The following USP6 variants were observed in gnomAD, a reference collection of about 807,000 sequenced individuals.
USP6 encodes the protein ubiquitin carboxyl-terminal hydrolase 6.
In USP6, 128 loss-of-function variants were observed where a neutral mutation model predicts 175.7. That is an observed-to-expected ratio of 0.73 (90% confidence interval 0.63 to 0.84). The LOEUF (loss-of-function observed/expected upper bound fraction) is 0.84, where lower values mean the gene tolerates loss of function less well. Among genes scored for constraint, USP6 ranks in the 40% least tolerant of loss-of-function variants. The pLI, the probability that USP6 is intolerant of heterozygous loss-of-function variation, is 0.00. For missense variants in USP6, 1,498 were observed against 1,760.3 expected (o/e 0.85, Z 2.67); for synonymous variants, 562 against 630.6 (o/e 0.89, Z 1.63).
chr17:5,172,748 G>A, intron 37 of USP6, 57 bp from the exon 38 acceptor site: 1 of 1,597,236 alleles, frequency 6.3e-7, no homozygotes, highest in Non-Finnish European at 8.5e-7. Flanking sequence ...TTCCTGGCAA[G>A]GATTTAGAGT....
intron 29 of USP6, 112 bp from the exon 30 acceptor site, chr17:5,148,444 C>T (rs1393192542): frequency 1.6e-6 from 2 of 1,225,432 alleles, no homozygotes; most frequent in Non-Finnish European, 2.3e-6. Flanking sequence ...ATGATTTCTC[C>T]CTGCCCTGTG....
In USP6 at chr17:5,144,791, C is replaced by T; in HGVS notation, c.1920C>T (p.Asn640=). The T allele has an allele frequency of 1.2e-6, 2 of 1,613,674 alleles. No homozygotes were observed. The highest frequency in any genetic ancestry group is 1.7e-6 in the Non-Finnish European group (2 of 1,179,706). ...TGGATGGTCTTCATGAAGATCTCAACCGAGTCCATGAAAAGCCATATGTGG... is the reference window on the plus strand; with the variant it reads ...TGGATGGTCTTCATGAAGATCTCAATCGAGTCCATGAAAAGCCATATGTGG... The part of the protein sequence containing the change: ...FLLDGLHEDL[N]RVHEKPYVEL... Residue 640 remains asparagine (N), a synonymous_variant, in exon 26 of 38, where the codon AAC becomes AAT. Transcript: ENST00000574788.
At chr17:5,142,226 G>T (rs2073468870) in intron 24 of USP6, 85 bp downstream of exon 24, 18 of 1,549,450 alleles carry the variant, frequency 1.2e-5, no homozygotes, top group Non-Finnish European at 5.2e-6. Flanking sequence ...TTTTCACCCT[G>T]CGGGAGAAAG....
Position 5,169,070 on chromosome 17 carries a change from C to T in USP6, c.3517+15C>T. 4.5e-6 allele frequency: 7 copies of T among 1,561,398 alleles called. No individual in the cohort carries two copies. The highest frequency in any genetic ancestry group is 2.3e-5 in the East Asian group (1 of 44,268). Reference sequence around the variant, plus strand: ...CAGCCCAAAAGGTGAGGCCTGGGGGCCTTATGCAGTTGCTTTCTTGGGACT... The same window carrying T: ...CAGCCCAAAAGGTGAGGCCTGGGGGTCTTATGCAGTTGCTTTCTTGGGACT... On this transcript the variant is annotated intron_variant, in intron 35 of 37. Coordinates refer to ENST00000574788, the MANE Select transcript of USP6 (RefSeq NM_001304284.2).
At chr17:5,139,804 T>G (rs2073387880) in intron 22 of USP6, 130 bp downstream of exon 22, 3 of 1,594,716 alleles carry the variant, frequency 1.9e-6, no homozygotes, top group Non-Finnish European at 2.5e-6. Context: ...GCGCTCCCAC[T>G]TCAGGGCCTT....
At chr17:5,144,909 C>T in intron 26 of USP6, 46 bp downstream of exon 26, 1 of 1,549,206 alleles carries the variant, frequency 6.5e-7, no homozygotes, top group South Asian at 1.2e-5. Context: ...ACAAAATGTT[C>T]TGACCACAAA....
chr17:5,170,743 A>C lies in USP6; in HGVS notation c.3782A>C (p.Asp1261Ala). The change falls in exon 36 of 38, where the codon GAC becomes GCC. Residue 1261 changes from aspartate (D) to alanine (A), a missense_variant. Physicochemically the swap from Asp to Ala is moderately radical, Grantham distance 126. Around this residue, in one of 2 missense-constraint regions of USP6, gnomAD observed 1,217 missense variants for 1,500.8 expected, o/e 0.81. Transcript: ENST00000574788. The stretch of plus-strand genomic sequence containing the variant: ...CAACCAGAGCTGGTCACTCCTCAGG[A>C]CCATGAGGTAGCTTTGGCCAATGGA... ...GSQPELVTPQ[D>A]HEVALANGFL... 3.1e-6 allele frequency: 5 copies of C among 1,613,992 alleles called. No individual in the cohort carries two copies. In the South Asian group the frequency reaches 4.4e-5, roughly 14 times the overall value.
Position 5,139,374 on chromosome 17 carries a change from A to G in USP6, c.1198A>G (p.Ile400Val). ...CCCACCAGCCCAGTTCCAGCGGCCC[A>G]TTTGCTCAGCTTCCCCGCCATGGGC... is the stretch of plus-strand genomic sequence containing the variant. ...PGPPAQFQRP[I>V]CSASPPWASR... Residue 400 changes from isoleucine (I) to valine (V), a missense_variant, in exon 22 of 38, where the codon ATT (isoleucine) becomes GTT (valine). Physicochemically the swap from Ile to Val is conservative, Grantham distance 29. This residue lies in a region of USP6 where 1,217 missense variants were observed against 1,500.8 expected (regional missense o/e 0.81). Transcript: ENST00000574788. 1.2e-6 allele frequency: 2 copies of G among 1,613,122 alleles called. No individual in the cohort carries two copies. The highest frequency in any genetic ancestry group is 1.7e-6 in the Non-Finnish European group (2 of 1,180,014).
chr17:5,131,215 T>C (rs1302096199), intron 11 of USP6, among the ~76,000 whole-genome samples: 1 of 151,512 alleles, frequency 6.6e-6, no homozygotes, highest in Non-Finnish European at 1.5e-5. Context: ...GGGGAGAAGA[T>C]GGGCAGGGCC....
intron 4 of USP6, among the ~76,000 whole-genome samples, chr17:5,121,977 G>A (rs1419779968): frequency 6.6e-6 from 1 of 152,122 alleles, no homozygotes; most frequent in Non-Finnish European, 1.5e-5. Flanking sequence ...GCCATGGAGG[G>A]ATTTGGAGCT....
In USP6 at chr17:5,155,598, C is replaced by T; in HGVS notation, c.2820C>T (p.Ala940=). ...PLPPQEASIH[A]QDRDNCMGYQ... ...CACCTCAGGAAGCTAGTATTCATGC[C>T]CAGGATCGGTGAGTTCAGGGGATCC... Residue 940 remains alanine, a synonymous_variant, in exon 31 of 38, where the codon GCC becomes GCT. Coordinates refer to ENST00000574788, the MANE Select transcript of USP6 (RefSeq NM_001304284.2). 1 of 1,613,912 alleles carries T rather than the reference C, an allele frequency of 6.2e-7. No homozygotes were observed. The highest frequency in any genetic ancestry group is 8.5e-7 in the Non-Finnish European group (1 of 1,179,928).
At chr17:5,135,585 A>G (rs1011710642) in intron 16 of USP6, among the ~76,000 whole-genome samples, 4 of 152,212 alleles carry the variant, frequency 2.6e-5, no homozygotes, top group Admixed American at 6.5e-5. Flanking sequence ...GGAGCTTGGC[A>G]GTGTCACACG....
chr17:5,162,733 C>T, intron 32 of USP6, 151 bp from the exon 33 acceptor site: 8 of 1,124,334 alleles, frequency 7.1e-6, no homozygotes, highest in Non-Finnish European at 9.7e-6. Flanking sequence ...AGTATCCTTA[C>T]ATTTATCAGA....
chr17:5,139,652 G>A lies in USP6; in HGVS notation c.1476G>A (p.Trp492Ter). 6.2e-7 allele frequency: 1 copy of A among 1,611,212 alleles called. No individual in the cohort carries two copies. The highest frequency in any genetic ancestry group is 8.5e-7 in the Non-Finnish European group (1 of 1,180,024). Reference sequence around the variant, plus strand: ...AGGAGGACCAGCTGGCCACCTGCTGGCAGGCTGAACACTGCGGAGAGGGTG... The same window carrying A: ...AGGAGGACCAGCTGGCCACCTGCTGACAGGCTGAACACTGCGGAGAGGGTG... Reference protein sequence around the residue: ...ISQEDQLATCWQAEHCGEVHN... With the variant: ...ISQEDQLATC The change falls in exon 22 of 38, where the codon TGG (tryptophan) becomes TGA (stop). Residue 492 changes from tryptophan to a stop codon, truncating the protein, a stop_gained. Transcript: ENST00000574788. LOFTEE classifies it high-confidence loss of function.
chr17:5,123,905 G>A (rs1197282487), intron 4 of USP6, among the ~76,000 whole-genome samples: 4 of 141,504 alleles, frequency 2.8e-5, no homozygotes, highest in African/African-American at 1.1e-4. Context: ...ACGCACGTGC[G>A]CACACACACA....
intron 35 of USP6, 70 bp downstream of exon 35, chr17:5,169,125 C>T (rs1384055652): frequency 6.8e-7 from 1 of 1,469,534 alleles, no homozygotes; most frequent in African/African-American, 1.4e-5. Context: ...TCTCTGTCTT[C>T]TGTTCTGGAA....
chr17:5,143,071 G>A (rs975633758), intron 25 of USP6, among the ~76,000 whole-genome samples: 2 of 152,074 alleles, frequency 1.3e-5, no homozygotes, highest in Non-Finnish European at 2.9e-5. Context: ...CGCCCCATCC[G>A]GGAGGGAGGT....
intron 20 of USP6, 28 bp downstream of exon 20, chr17:5,137,778 T>C (rs2073305502): frequency 6.2e-7 from 1 of 1,604,032 alleles, no homozygotes; most frequent in African/African-American, 1.3e-5. Flanking sequence ...CAGTGGGGCC[T>C]GGGGAGCCCT....
chr17:5,160,912 T>A (rs113636836), intron 31 of USP6, among the ~76,000 whole-genome samples: 8 of 152,226 alleles, frequency 5.3e-5, no homozygotes, highest in African/African-American at 1.9e-4. Flanking sequence ...TTTTTAATGA[T>A]CACCATTCTA....
Sources: gnomAD v4.1 joint callset for allele counts (sites outside exome capture counted in the v4.1 genomes callset) on GRCh38, gnomAD v4.1.1 for gene constraint, gnomAD v4.1.1 regional missense constraint, MANE v1.5 for transcripts, NCBI Gene and HGNC (gene_info 2026-07-23, HGNC 2026-07-21) for gene names.